NCMAP: variants seen among roughly 807,000 people sequenced by gnomAD.
NCMAP encodes non-compact myelin associated protein, also known as noncompact myelin-associated protein.
NCMAP carries 8 observed loss-of-function variants against 7.8 expected under a neutral mutation model. The observed-to-expected ratio is 1.02, with a 90% CI of 0.60 to 1.84. NCMAP has a LOEUF of 1.84. Among genes scored for constraint, NCMAP ranks in the 40% most tolerant of loss-of-function variants. NCMAP has a pLI of 0.00. For missense variants in NCMAP, 112 were observed against 131.4 expected (o/e 0.85, Z 0.72); for synonymous variants, 41 against 52.9 (o/e 0.78, Z 0.98).
At chr1:24,598,699 G>A (rs970135437) in intron 2 of NCMAP, among the ~76,000 whole-genome samples, 8 of 150,280 alleles carry the variant, frequency 5.3e-5, no homozygotes, top group Admixed American at 2.0e-4. Context: ...GTGCCATCTC[G>A]GCTCACTGCC....
chr1:24,578,560 C>CTTTTTTTTTTT (rs555342098), intron 1 of NCMAP, among the ~76,000 whole-genome samples: 2 of 107,376 alleles, frequency 1.9e-5, no homozygotes, highest in African/African-American at 8.7e-5. Flanking sequence ...TTCTTTCTTT[C>CTTTTTTTTTTT]TTTTTTTTTT....
At chr1:24,561,907 T>C (rs1286159121) in intron 1 of NCMAP, among the ~76,000 whole-genome samples, 1 of 60,532 alleles carries the variant, frequency 1.7e-5, no homozygotes, top group South Asian at 5.3e-4. Context: ...CGAGACTTCG[T>C]CTCAAAAAAA....
chr1:24,569,941 C>G (rs1304934120), intron 1 of NCMAP, among the ~76,000 whole-genome samples: 2 of 150,158 alleles, frequency 1.3e-5, no homozygotes, highest in Non-Finnish European at 2.9e-5. Context: ...GCCTCAGTTT[C>G]CTCACTTAAA....
At chr1:24,580,926 C>T (rs1169427810) in intron 1 of NCMAP, among the ~76,000 whole-genome samples, 3 of 152,188 alleles carry the variant, frequency 2.0e-5, no homozygotes, top group Non-Finnish European at 4.4e-5. Flanking sequence ...ACTCAGCCGT[C>T]GGCTTTTCCG....
At chr1:24,594,065 T>G (rs752905746) in intron 1 of NCMAP, among the ~76,000 whole-genome samples, 4 of 152,024 alleles carry the variant, frequency 2.6e-5, no homozygotes, top group Non-Finnish European at 5.9e-5. Flanking sequence ...CTAATTTTTG[T>G]ATTTTTAGTA....
intron 1 of NCMAP, among the ~76,000 whole-genome samples, chr1:24,562,918 T>TC (rs1356277278): frequency 1.3e-5 from 2 of 152,088 alleles, no homozygotes; most frequent in East Asian, 3.9e-4. Flanking sequence ...GCTCATCCCT[T>TC]CCCCCTCCTT....
At chr1:24,575,005 G>C (rs145141994) in intron 1 of NCMAP, among the ~76,000 whole-genome samples, 15,457 of 151,950 alleles carry the variant, frequency 0.1, 891 homozygotes, top group East Asian at 0.18. Flanking sequence ...GGCCAGGCTG[G>C]TCTTGAACTC....
chr1:24,569,685 A>C (rs1570516768), intron 1 of NCMAP, among the ~76,000 whole-genome samples: 1 of 150,798 alleles, frequency 6.6e-6, no homozygotes, highest in South Asian at 2.1e-4. Context: ...TAAAATGGAA[A>C]TAATGATACC....
chr1:24,586,894 A>G (rs1401175715), intron 1 of NCMAP, among the ~76,000 whole-genome samples: 1 of 152,180 alleles, frequency 6.6e-6, no homozygotes, highest in Non-Finnish European at 1.5e-5. Flanking sequence ...CTGTAAGGCC[A>G]GTGAGCTATT....
intron 1 of NCMAP, among the ~76,000 whole-genome samples, chr1:24,571,884 A>C (rs7543160): frequency 0.12 from 18,789 of 150,826 alleles, 2,141 homozygotes; most frequent in African/African-American, 0.23. Flanking sequence ...CCGCGCCTGG[A>C]AGAAAAAAAT....
intron 1 of NCMAP, among the ~76,000 whole-genome samples, chr1:24,589,073 C>G (rs754916503): frequency 2.8e-4 from 42 of 152,184 alleles, no homozygotes; most frequent in Admixed American, 2.4e-3. Context: ...TGCTCCAAGC[C>G]TCAGATTCCT....
At chr1:24,568,137 C>T (rs762007263) in intron 1 of NCMAP, among the ~76,000 whole-genome samples, 4 of 152,024 alleles carry the variant, frequency 2.6e-5, no homozygotes, top group South Asian at 2.1e-4. Flanking sequence ...CTCCTTGTCA[C>T]GGCCTCCCTC....
intron 1 of NCMAP, among the ~76,000 whole-genome samples, chr1:24,574,858 T>C (rs112367334): frequency 0.036 from 5,409 of 148,508 alleles, 136 homozygotes; most frequent in Non-Finnish European, 0.058. Flanking sequence ...TGCAATGGCA[T>C]GATCTCGGCT....
rs867235398 is a variant in NCMAP at position 24,561,099 on chromosome 1, G to A, written c.-8+4930G>A. Among the ~76,000 whole-genome samples, 4 of 150,460 alleles carry A rather than the reference G, an allele frequency of 2.7e-5. No individual in the cohort carries two copies. The Admixed American group carries it at 2.7e-4, about 10-fold the overall frequency. The stretch of plus-strand genomic sequence containing the variant: ...TATAATCCCAGCACTTTGGGAGGCC[G>A]AGGAGGGCGGATCACCTGAGGTCAG... On this transcript the variant is annotated intron_variant, in intron 1 of 3. Transcript: ENST00000374392.
chr1:24,581,137 A>G (rs1159429071), intron 1 of NCMAP, among the ~76,000 whole-genome samples: 1 of 141,880 alleles, frequency 7.0e-6, no homozygotes, highest in Non-Finnish European at 1.5e-5. Context: ...TTTTTTTTTG[A>G]GACGAGGTCT....
intron 1 of NCMAP, among the ~76,000 whole-genome samples, chr1:24,568,747 A>C (rs1284073453): frequency 6.6e-6 from 1 of 152,098 alleles, no homozygotes; most frequent in Non-Finnish European, 1.5e-5. Context: ...CAAGCATCTC[A>C]AACTGAATCC....
intron 1 of NCMAP, among the ~76,000 whole-genome samples, chr1:24,564,231 C>G (rs1416851018): frequency 1.3e-5 from 2 of 151,900 alleles, no homozygotes; most frequent in African/African-American, 4.8e-5. Context: ...TGAGAGAGGC[C>G]AGGCGCAGTG....
intron 1 of NCMAP, among the ~76,000 whole-genome samples, chr1:24,572,447 C>T (rs977019872): frequency 6.6e-5 from 10 of 150,592 alleles, no homozygotes; most frequent in Non-Finnish European, 5.9e-5. Flanking sequence ...GGGCTGAGCT[C>T]GGCACCTGCT....
intron 1 of NCMAP, among the ~76,000 whole-genome samples, chr1:24,581,255 T>G (rs1651736262): frequency 6.6e-6 from 1 of 152,024 alleles, no homozygotes; most frequent in Admixed American, 6.6e-5. Context: ...CAGCTGAAAT[T>G]ACAGGCACCC....
Sources: allele counts gnomAD v4.1 joint callset (sites outside exome capture counted in the v4.1 genomes callset), GRCh38; gene constraint gnomAD v4.1.1; transcripts MANE v1.5; gene names NCBI Gene and HGNC (gene_info 2026-07-23, HGNC 2026-07-21).